Variants in ANKS1B observed in about 807,000 individuals in gnomAD.
ANKS1B encodes ankyrin repeat and sterile alpha motif domain-containing protein 1B.
ANKS1B carries 36 observed loss-of-function variants against 148.3 expected under a neutral mutation model. That is an observed-to-expected ratio of 0.24 (90% CI 0.19 to 0.32). The LOEUF is 0.32. Ranked by LOEUF, ANKS1B falls within the 10% of genes least tolerant of loss-of-function variation. ANKS1B has a pLI of 1.00. For missense variants in ANKS1B, 1,157 were observed against 1,542.6 expected, an observed-to-expected ratio of 0.75 and a Z score of 4.19; for synonymous variants, 542 against 560.8, an observed-to-expected ratio of 0.97 and a Z score of 0.47.
chr12:99,921,241 T>C (rs933271881), intron 1 of ANKS1B, among the ~76,000 whole-genome samples: 5 of 152,130 alleles, frequency 3.3e-5, no homozygotes, highest in African/African-American at 9.7e-5. Context: ...GTTCTCATGA[T>C]AGTGAGTGAG....
chr12:99,572,657 A>T lies in ANKS1B; in HGVS notation c.1273-68016T>A, dbSNP rs529462627. ...AAACTACTTTAGGCTAGTGAGATAAATATAAAATTTCATGTTGTAATATAA... is the reference window on the plus strand; with the variant it reads ...AAACTACTTTAGGCTAGTGAGATAATTATAAAATTTCATGTTGTAATATAA... On this transcript the variant is annotated intron_variant, in intron 9 of 26. Coordinates refer to ENST00000683438, the MANE Select transcript of ANKS1B (RefSeq NM_001352186.2). 7.9e-5 allele frequency among the ~76,000 whole-genome samples: 12 copies of T among 152,236 alleles called. No individual in the cohort carries two copies. In the South Asian group the frequency reaches 2.5e-3, roughly 32 times the overall value.
chr12:99,831,900 A>C (rs1333268472), intron 1 of ANKS1B, among the ~76,000 whole-genome samples: 1 of 152,188 alleles, frequency 6.6e-6, no homozygotes, highest in Non-Finnish European at 1.5e-5. Context: ...AAATGGAAAA[A>C]CAGGATATTA....
intron 12 of ANKS1B, among the ~76,000 whole-genome samples, chr12:99,327,809 C>T (rs946684917): frequency 6.6e-6 from 1 of 151,316 alleles, no homozygotes; most frequent in African/African-American, 2.4e-5. Context: ...ACAAATCATC[C>T]ATAATCCCAG....
At chr12:98,884,574 T>C (rs1026763662) in intron 17 of ANKS1B, among the ~76,000 whole-genome samples, 1 of 148,636 alleles carries the variant, frequency 6.7e-6, no homozygotes, top group Non-Finnish European at 1.5e-5. Flanking sequence ...CCGAGGCGGG[T>C]GGATCATGAG....
At chr12:99,635,235 T>C (rs1428360553) in intron 9 of ANKS1B, among the ~76,000 whole-genome samples, 1 of 152,102 alleles carries the variant, frequency 6.6e-6, no homozygotes, top group Non-Finnish European at 1.5e-5. Context: ...TACCATAAGA[T>C]CCAGCAACTT....
At chr12:99,533,122 T>C (rs1216960932) in intron 9 of ANKS1B, among the ~76,000 whole-genome samples, 2 of 152,228 alleles carry the variant, frequency 1.3e-5, no homozygotes, top group African/African-American at 4.8e-5. Context: ...TTGAGCAGTA[T>C]GGTCATTTTC....
intron 17 of ANKS1B, among the ~76,000 whole-genome samples, chr12:98,946,273 T>A (rs2099845375): frequency 6.6e-6 from 1 of 152,244 alleles, no homozygotes. Context: ...ATGAAGTAAC[T>A]GTCCTAGAAG....
At chr12:99,134,892 C>T (rs896806561) in intron 15 of ANKS1B, among the ~76,000 whole-genome samples, 8 of 152,086 alleles carry the variant, frequency 5.3e-5, no homozygotes, top group African/African-American at 1.9e-4. Context: ...CACAGAATTT[C>T]CAGTTTGCTT....
intron 9 of ANKS1B, among the ~76,000 whole-genome samples, chr12:99,650,471 T>A (rs756414413): frequency 6.7e-6 from 1 of 149,372 alleles, no homozygotes; most frequent in Non-Finnish European, 1.5e-5. Flanking sequence ...CTGAGTTTAA[T>A]CATACTTTCC....
At chr12:99,890,014 A>G (rs2093014278) in intron 1 of ANKS1B, among the ~76,000 whole-genome samples, 2 of 152,196 alleles carry the variant, frequency 1.3e-5, no homozygotes, top group Admixed American at 6.5e-5. Context: ...GGACTGGCAC[A>G]TGAGAGCCTG....
rs563494603 is a variant in ANKS1B, at chr12:99,167,568, C to T, written c.2420-13173G>A. Among the ~76,000 whole-genome samples the T allele has an allele frequency of 1.3e-4, 20 of 152,108 alleles. No individual in the cohort carries two copies. In the South Asian group the frequency reaches 3.9e-3, roughly 30 times the overall value. ...TGTCTAAAATCATTGCCAAATGATG[C>T]GAATTAAGAGAAACTCTCATTCCCT... On this transcript the variant is annotated intron_variant, in intron 14 of 26. Coordinates refer to ENST00000683438, the MANE Select transcript of ANKS1B (RefSeq NM_001352186.2).
At chr12:98,924,874 T>C (rs891116302) in intron 17 of ANKS1B, among the ~76,000 whole-genome samples, 6 of 152,232 alleles carry the variant, frequency 3.9e-5, no homozygotes, top group African/African-American at 1.4e-4. Flanking sequence ...TATCAAATAA[T>C]AGTGCAGACT....
intron 1 of ANKS1B, among the ~76,000 whole-genome samples, chr12:99,934,629 C>G (rs2094711645): frequency 1.3e-5 from 2 of 152,006 alleles, no homozygotes. Flanking sequence ...TTTTTCATCT[C>G]TGATTTTACT....
rs142745468 is a variant in ANKS1B at position 99,952,355 on chromosome 12, T to C, written c.134+31749A>G. Among the ~76,000 whole-genome samples, 723 of 152,328 alleles carry C rather than the reference T, an allele frequency of 4.7e-3. 3 individuals are homozygous for C. The highest frequency in any genetic ancestry group is 0.016 in the African/African-American group (675 of 41,572). On this transcript the variant is annotated intron_variant, in intron 1 of 26. Coordinates refer to ENST00000683438, the MANE Select transcript of ANKS1B (RefSeq NM_001352186.2). Reference sequence around the variant, plus strand: ...GCTGTTGTTGATGATCCACTTTCTATGAGATTTCTTCAATGTTATCCTGAA... The same window carrying C: ...GCTGTTGTTGATGATCCACTTTCTACGAGATTTCTTCAATGTTATCCTGAA...
At chr12:99,005,634 C>T (rs924932521) in intron 17 of ANKS1B, among the ~76,000 whole-genome samples, 2 of 152,142 alleles carry the variant, frequency 1.3e-5, no homozygotes, top group African/African-American at 4.8e-5. Context: ...AACCTGCATG[C>T]GCTTTCAAAT....
intron 25 of ANKS1B, among the ~76,000 whole-genome samples, chr12:98,772,220 G>A (rs1164952181): frequency 6.6e-6 from 1 of 152,130 alleles, no homozygotes. Flanking sequence ...CTTAAAATGT[G>A]GCTGTATTTG....
intron 12 of ANKS1B, among the ~76,000 whole-genome samples, chr12:99,279,253 C>G (rs1255816516): frequency 6.6e-6 from 1 of 152,028 alleles, no homozygotes; most frequent in Admixed American, 6.6e-5. Context: ...AAGCTTTCAC[C>G]AATAAGAAAA....
At chr12:98,761,402 T>C (rs559640061) in intron 25 of ANKS1B, among the ~76,000 whole-genome samples, 1 of 152,340 alleles carries the variant, frequency 6.6e-6, no homozygotes, top group Admixed American at 6.5e-5. Flanking sequence ...TACTTTTCTT[T>C]CAAAGAAATA....
intron 14 of ANKS1B, among the ~76,000 whole-genome samples, chr12:99,225,304 T>TGACA (rs2085731127): frequency 6.6e-6 from 1 of 152,052 alleles, no homozygotes; most frequent in South Asian, 2.1e-4. Context: ...AATATAATAT[T>TGACA]ATATAATATT....
Sources: gnomAD v4.1 joint callset for allele counts (sites outside exome capture counted in the v4.1 genomes callset) on GRCh38, gnomAD v4.1.1 for gene constraint, MANE v1.5 for transcripts, NCBI Gene and HGNC (gene_info 2026-07-23, HGNC 2026-07-21) for gene names.